Variants in GYS2 observed in about 807,000 individuals in gnomAD.
GYS2 encodes the protein glycogen synthase 2, also known as glycogen [starch] synthase, liver.
GYS2 carries 80 observed loss-of-function variants against 85.6 expected under a neutral mutation model. That is an observed-to-expected ratio of 0.93 (90% CI 0.78 to 1.13). GYS2 has a LOEUF of 1.13. Among genes scored for constraint, GYS2 ranks in the 50% most tolerant of loss-of-function variants. The probability of loss-of-function intolerance (pLI) is 0.00; values close to 1 mark genes in which losing one functional copy is unlikely to be tolerated. For synonymous variants in GYS2, 328 were observed against 300.7 expected (o/e 1.09, Z -0.94); for missense variants, 881 against 854.9 (o/e 1.03, Z -0.38).
chr12:21,532,753 A>G (rs1943877762), downstream of GYS2: 1 of 152,240 alleles, frequency 6.6e-6, no homozygotes, highest in Admixed American at 6.5e-5. Flanking sequence ...AACACTTTTA[A>G]CATCTATCTT....
rs1944034753 is a variant in GYS2 at position 21,546,025 on chromosome 12, G to A, written c.1549+319C>T. 2.6e-5 allele frequency among the ~76,000 whole-genome samples: 4 copies of A among 151,606 alleles called. No individual in the cohort carries two copies. The South Asian group carries it at 8.4e-4, about 32-fold the overall frequency. The stretch of plus-strand genomic sequence containing the variant: ...ATTTCTCCTTCACACTAATAAATGG[G>A]GCAGATAGAGATAGCTAAATAAGAT... On this transcript the variant is annotated intron_variant, in intron 12 of 15. Transcript: ENST00000261195.
At chr12:21,590,438 G>A (rs953693847) in intron 1 of GYS2, among the ~76,000 whole-genome samples, 5 of 152,120 alleles carry the variant, frequency 3.3e-5, no homozygotes, top group Admixed American at 2.0e-4. Context: ...ATCTGCCACT[G>A]CCATCACAAC....
Position 21,546,344 on chromosome 12 carries a change from C to A in GYS2, c.1549G>T (p.Ala517Ser), listed in dbSNP as rs199936257. The A allele has an allele frequency of 6.3e-7, 1 of 1,598,762 alleles. No individual in the cohort carries two copies. Among genetic ancestry groups the A allele is most frequent in the Non-Finnish European group, 8.6e-7 (1 of 1,166,960 alleles). The change falls in exon 12 of 16, where the codon GCT (alanine) becomes TCT (serine). Residue 517 changes from alanine to serine, a missense_variant and splice_region_variant. Physicochemically the swap from Ala to Ser is moderately conservative, Grantham distance 99. Coordinates refer to ENST00000261195, the MANE Select transcript of GYS2 (RefSeq NM_021957.4). ...TCCACACTCTATACATGACACATAC[C>A]TGGAGTATAACCCCAGGGTTCATAG... Reference protein sequence around the residue: ...SYYEPWGYTPAECTVMGIPSV... With the variant: ...SYYEPWGYTPSECTVMGIPSV...
At chr12:21,543,658 T>C (rs796942293) in intron 12 of GYS2, among the ~76,000 whole-genome samples, 10 of 152,236 alleles carry the variant, frequency 6.6e-5, no homozygotes, top group African/African-American at 2.4e-4. Context: ...ACATGTGCTA[T>C]GGTGGTTTGC....
chr12:21,582,598 G>GATATAGAT (rs1565608526), intron 1 of GYS2, among the ~76,000 whole-genome samples: 6 of 6,632 alleles, frequency 9.0e-4, no homozygotes, highest in African/African-American at 1.4e-3. Context: ...TATAGAGATA[G>GATATAGAT]ATATAGATAT....
intron 1 of GYS2, among the ~76,000 whole-genome samples, chr12:21,583,554 C>G (rs2136917615): frequency 1.3e-5 from 2 of 152,286 alleles, no homozygotes; most frequent in Middle Eastern, 6.8e-3. Flanking sequence ...TCCAATGATG[C>G]TTGAGGTGTC....
chr12:21,598,220 T>C (rs1423467851), intron 1 of GYS2, among the ~76,000 whole-genome samples: 2 of 152,118 alleles, frequency 1.3e-5, no homozygotes, highest in Non-Finnish European at 2.9e-5. Context: ...TCCTAACACA[T>C]AGAAACGATA....
chr12:21,590,466 G>T (rs1310385940), intron 1 of GYS2, among the ~76,000 whole-genome samples: 1 of 152,158 alleles, frequency 6.6e-6, no homozygotes, highest in African/African-American at 2.4e-5. Context: ...TCCTGCATGT[G>T]CCACCTGTGG....
chr12:21,603,300 T>A (rs1161399653), intron 1 of GYS2, among the ~76,000 whole-genome samples: 1 of 152,154 alleles, frequency 6.6e-6, no homozygotes. Flanking sequence ...TGTTCTCTTA[T>A]ATGCATTCTG....
At chr12:21,559,583 G>A in intron 9 of GYS2, 68 bp downstream of exon 9, 1 of 876,210 alleles carries the variant, frequency 1.1e-6, no homozygotes, top group African/African-American at 1.6e-5. Flanking sequence ...AAGTTATGAT[G>A]TCTAAATTGT....
intron 13 of GYS2, among the ~76,000 whole-genome samples, chr12:21,541,892 G>T (rs1943980217): frequency 1.3e-5 from 2 of 151,876 alleles, no homozygotes; most frequent in African/African-American, 4.8e-5. Context: ...GATGTCTATT[G>T]TTCCCATCTT....
rs55790137 is a variant in GYS2 at position 21,565,390 on chromosome 12, AATATATATATATATATATAT to A, written c.824-2065_824-2046del. 2.4e-3 allele frequency among the ~76,000 whole-genome samples: 176 copies of A among 73,636 alleles called. 2 individuals are homozygous for A. The highest frequency in any genetic ancestry group is 5.2e-3 in the Admixed American group (34 of 6,584). 48.3% of individuals were successfully genotyped at this position (73,636 alleles called of 152,430 possible). ...ACCATTATACTATTTCCATCCATGA[AATATATATATATATATATAT>A]ATATATATATATATATATATATATG... On this transcript the variant is annotated intron_variant, in intron 5 of 15. Transcript: ENST00000261195.
Position 21,568,897 on chromosome 12 carries a change from A to T in GYS2, c.791T>A (p.Ile264Lys), listed in dbSNP as rs1944354180. 1 of 1,613,440 alleles carries T rather than the reference A, an allele frequency of 6.2e-7. No individual in the cohort carries two copies. The highest frequency in any genetic ancestry group is 8.5e-7 in the Non-Finnish European group (1 of 1,179,364). The change falls in exon 5 of 16, where the codon ATA (isoleucine) becomes AAA (lysine). Residue 264 changes from isoleucine (I) to lysine (K), a missense_variant. Coordinates refer to ENST00000261195, the MANE Select transcript of GYS2 (RefSeq NM_021957.4). ...VFTTVSEITA[I>K]EAEHMLKRKP... ...TCTCTTCAGCATATGTTCAGCTTCT[A>T]TTGCTGTTATTTCAGAAACCGTGGT...
rs547545225 is a variant in GYS2, at chr12:21,601,991, T to C, written c.121+2481A>G. The stretch of plus-strand genomic sequence containing the variant: ...TGTTATGTTTTTCACGTTTCCATTG[T>C]TCATGGGCAAAATTCTGGCAGCAAG... On this transcript the variant is annotated intron_variant, in intron 1 of 15. Coordinates refer to ENST00000261195, the MANE Select transcript of GYS2 (RefSeq NM_021957.4). Among the ~76,000 whole-genome samples the C allele has an allele frequency of 2.0e-5, 3 of 152,294 alleles. No homozygotes were observed. In the East Asian group the frequency reaches 5.8e-4, roughly 29 times the overall value.
chr12:21,563,065 T>G (rs1226407076), intron 6 of GYS2, 27 bp from the exon 7 acceptor site: 1 of 1,516,968 alleles, frequency 6.6e-7, no homozygotes, highest in Non-Finnish European at 9.2e-7. Flanking sequence ...CCAAACAGTT[T>G]CAAATGAAAT....
intron 12 of GYS2, 103 bp downstream of exon 12, chr12:21,546,241 T>C: frequency 1.2e-6 from 1 of 867,432 alleles, no homozygotes; most frequent in East Asian, 2.9e-5. Context: ...AGAATTGAAA[T>C]CTTATTAGAA....
intron 1 of GYS2, among the ~76,000 whole-genome samples, chr12:21,602,539 T>C: frequency 6.6e-6 from 1 of 152,048 alleles, no homozygotes; most frequent in East Asian, 1.9e-4. Flanking sequence ...TACCAGGCTA[T>C]GATAATATTA....
At chr12:21,594,616 G>A (rs930856656) in intron 1 of GYS2, among the ~76,000 whole-genome samples, 1 of 151,984 alleles carries the variant, frequency 6.6e-6, no homozygotes, top group Non-Finnish European at 1.5e-5. Flanking sequence ...CAAATGGAGA[G>A]ATATCCTATG....
chr12:21,543,379 T>C (rs943705070), intron 12 of GYS2, among the ~76,000 whole-genome samples: 1 of 152,160 alleles, frequency 6.6e-6, no homozygotes, highest in Non-Finnish European at 1.5e-5. Flanking sequence ...GGTTCTCTAA[T>C]TTTAGTGGTG....
Sources: allele counts gnomAD v4.1 joint callset (sites outside exome capture counted in the v4.1 genomes callset), GRCh38; gene constraint gnomAD v4.1.1; transcripts MANE v1.5; gene names NCBI Gene and HGNC (gene_info 2026-07-23, HGNC 2026-07-21).